CHD9: variants seen among roughly 807,000 people sequenced by gnomAD.
CHD9 encodes the protein ATP-dependent chromatin remodeler CHD9.
A neutral mutation model predicts 316.1 loss-of-function variants in CHD9; 77 were observed. That is an observed-to-expected ratio of 0.24 (90% CI 0.20 to 0.29). CHD9 has a LOEUF of 0.29. Among genes scored for constraint, CHD9 ranks in the 10% least tolerant of loss-of-function variants. The pLI is 1.00. For synonymous variants in CHD9, 1,129 were observed against 1,158.3 expected (o/e 0.97, Z 0.51); for missense variants, 2,763 against 3,438.1 (o/e 0.80, Z 4.91).
chr16:53,237,279 T>C (rs1467117241), intron 11 of CHD9, among the ~76,000 whole-genome samples: 1 of 152,088 alleles, frequency 6.6e-6, no homozygotes, highest in Non-Finnish European at 1.5e-5. Flanking sequence ...CTCCTCTTAG[T>C]TTCTCCTCTC....
chr16:53,122,139 G>A (rs934091581), intron 1 of CHD9: 4 of 148,298 alleles, frequency 2.7e-5, no homozygotes, highest in Admixed American at 6.8e-5. Flanking sequence ...GCCTGTGAAT[G>A]GATGTCAATA....
intron 1 of CHD9, among the ~76,000 whole-genome samples, chr16:53,082,909 A>G (rs1001143741): frequency 1.3e-5 from 2 of 152,132 alleles, no homozygotes; most frequent in African/African-American, 4.8e-5. Context: ...TGTGTCCTCT[A>G]TCTGAGTGCT....
chr16:53,110,094 C>T lies in CHD9; in HGVS notation c.-164-45832C>T, dbSNP rs181492717. Among the ~76,000 whole-genome samples, 26 of 152,290 alleles carry T rather than the reference C, an allele frequency of 1.7e-4. No individual in the cohort carries two copies. The East Asian group carries it at 5.0e-3, about 29-fold the overall frequency. ...TAAAGCTATGCACTCTCCAGTTTGTCATCCCCAGCAGTCCCTATTGCCTCA... is the reference window on the plus strand; with the variant it reads ...TAAAGCTATGCACTCTCCAGTTTGTTATCCCCAGCAGTCCCTATTGCCTCA... On this transcript the variant is annotated intron_variant, in intron 1 of 38. Transcript: ENST00000447540.
At chr16:53,158,453 C>A (rs1269051631) in intron 2 of CHD9, among the ~76,000 whole-genome samples, 1 of 152,008 alleles carries the variant, frequency 6.6e-6, no homozygotes, top group Non-Finnish European at 1.5e-5. Flanking sequence ...TACCAGACTA[C>A]CTGGTTTAGA....
intron 2 of CHD9, among the ~76,000 whole-genome samples, chr16:53,181,000 G>A (rs1443222007): frequency 6.6e-6 from 1 of 151,198 alleles, no homozygotes; most frequent in Non-Finnish European, 1.5e-5. Context: ...TAATAAGTAT[G>A]AGAGACACGA....
intron 2 of CHD9, among the ~76,000 whole-genome samples, chr16:53,159,377 A>T (rs2041752383): frequency 6.6e-6 from 1 of 152,188 alleles, no homozygotes; most frequent in Non-Finnish European, 1.5e-5. Context: ...TGAACATATT[A>T]CTTTTATAAT....
intron 20 of CHD9, among the ~76,000 whole-genome samples, chr16:53,264,215 C>CA (rs1276362360): frequency 1.3e-5 from 2 of 151,976 alleles, no homozygotes; most frequent in East Asian, 3.8e-4. Flanking sequence ...GAATGTTAAA[C>CA]AATTTTTTCT....
At chr16:53,070,525 CTTCCTTCCT>C (rs1434569695) in intron 1 of CHD9, among the ~76,000 whole-genome samples, 2 of 20,706 alleles carry the variant, frequency 9.7e-5, no homozygotes, top group African/African-American at 4.5e-4. Context: ...TCCTTCCTTC[CTTCCTTCCT>C]CTCTCTCTCT....
chr16:53,157,111 A>G lies in CHD9; in HGVS notation c.1022A>G (p.His341Arg). 6 of 1,611,398 alleles carry G rather than the reference A, an allele frequency of 3.7e-6. No homozygotes were observed. Among genetic ancestry groups the G allele is most frequent in the Non-Finnish European group, 4.2e-6 (5 of 1,178,354 alleles). The change falls in exon 2 of 39, where the codon CAT (histidine) becomes CGT (arginine). Residue 341 changes from histidine to arginine, a missense_variant. His to Arg is a conservative substitution (Grantham distance 29). This residue lies in a region of CHD9 where 859 missense variants were observed against 890.4 expected (regional missense o/e 0.96). Transcript: ENST00000447540. ...SLNSNNFQIL[H>R]SSHPQGNYSN... ...AATTCAAATAATTTCCAAATATTGC[A>G]TTCATCACATCCTCAGGGTAATTAT...
At chr16:53,258,822 T>C (rs530530133) in intron 19 of CHD9, among the ~76,000 whole-genome samples, 13 of 152,222 alleles carry the variant, frequency 8.5e-5, no homozygotes, top group African/African-American at 2.9e-4. Flanking sequence ...AGGTGGGTCC[T>C]AGAAAAAGAA....
At chr16:53,243,187 TTC>T (rs2152952100) in intron 13 of CHD9, among the ~76,000 whole-genome samples, 171 bp downstream of exon 13, 1 of 152,238 alleles carries the variant, frequency 6.6e-6, no homozygotes, top group Non-Finnish European at 1.5e-5. Flanking sequence ...AGAAAAAAAA[TTC>T]TGTTTCCTAC....
At chr16:53,287,899 A>G in intron 26 of CHD9, 58 bp from the exon 27 acceptor site, 1 of 1,341,380 alleles carries the variant, frequency 7.5e-7, no homozygotes, top group Non-Finnish European at 1.1e-6. Flanking sequence ...ACTTTGTCCT[A>G]TCAAGTGAAA....
intron 1 of CHD9, among the ~76,000 whole-genome samples, chr16:53,095,517 C>T (rs1010928282): frequency 6.6e-6 from 1 of 152,000 alleles, no homozygotes; most frequent in Non-Finnish European, 1.5e-5. Context: ...CCACTGCACT[C>T]CAACTTGGGC....
At chr16:53,072,469 A>G (rs1325810005) in intron 1 of CHD9, among the ~76,000 whole-genome samples, 2 of 145,404 alleles carry the variant, frequency 1.4e-5, no homozygotes, top group African/African-American at 5.1e-5. Flanking sequence ...GTGTAATCAT[A>G]TAGCTCACTG....
At chr16:53,301,902 C>T (rs2055472430) in intron 30 of CHD9, among the ~76,000 whole-genome samples, 1 of 151,668 alleles carries the variant, frequency 6.6e-6, no homozygotes. Flanking sequence ...GTAGCTGGGA[C>T]TACAGGTGGC....
At chr16:53,170,321 T>A (rs1159197371) in intron 2 of CHD9, among the ~76,000 whole-genome samples, 2 of 152,218 alleles carry the variant, frequency 1.3e-5, no homozygotes, top group Non-Finnish European at 2.9e-5. Context: ...AAATGTGTTA[T>A]AAAAATTAAT....
chr16:53,303,984 C>CA lies in CHD9; in HGVS notation c.5979dup (p.Phe1994IlefsTer12). On this transcript the variant is annotated frameshift_variant, in exon 31 of 39. Coordinates refer to ENST00000447540, the MANE Select transcript of CHD9 (RefSeq NM_001308319.2). LOFTEE classifies it high-confidence loss of function. ...CACATTCTTCGTGATCCTGAACTCT[C>CA]ATTTATGGCAGCTCAGAGGAACTAC... is the stretch of plus-strand genomic sequence containing the variant. 6.2e-7 allele frequency: 1 copy of CA among 1,614,022 alleles called. No homozygotes were observed. The highest frequency in any genetic ancestry group is 8.5e-7 in the Non-Finnish European group (1 of 1,179,894).
intron 2 of CHD9, among the ~76,000 whole-genome samples, chr16:53,190,264 G>T (rs1388305817): frequency 6.6e-6 from 1 of 152,030 alleles, no homozygotes; most frequent in African/African-American, 2.4e-5. Context: ...TATACTAGAA[G>T]AAATAAAATG....
chr16:53,279,326 C>G (rs1196838259), intron 24 of CHD9, among the ~76,000 whole-genome samples: 1 of 150,192 alleles, frequency 6.7e-6, no homozygotes, highest in Non-Finnish European at 1.5e-5. Flanking sequence ...CACTTGGACA[C>G]AGGAAGGGGA....
Sources: allele counts gnomAD v4.1 joint callset (sites outside exome capture counted in the v4.1 genomes callset), GRCh38; gene constraint gnomAD v4.1.1; regional missense constraint gnomAD v4.1.1; transcripts MANE v1.5; gene names NCBI Gene and HGNC (gene_info 2026-07-23, HGNC 2026-07-21).